SOX5: variants seen among roughly 807,000 people sequenced by gnomAD.
SOX5 encodes SRY-box transcription factor 5.
A neutral mutation model predicts 92.0 loss-of-function variants in SOX5; 9 were observed. The ratio of observed to expected loss-of-function variants is 0.10; its 90% CI spans 0.06 to 0.17. The LOEUF (loss-of-function observed/expected upper bound fraction) is 0.17. Among genes scored for constraint, SOX5 ranks in the 10% least tolerant of loss-of-function variants. The probability of loss-of-function intolerance (pLI) is 1.00; values close to 1 mark genes in which losing one functional copy is unlikely to be tolerated. For synonymous variants in SOX5, 344 were observed against 336.3 expected, an observed-to-expected ratio of 1.02 and a Z score of -0.25; for missense variants, 642 against 944.5, an observed-to-expected ratio of 0.68 and a Z score of 4.20.
At chr12:23,766,846 T>C (rs778293028) in intron 3 of SOX5, among the ~76,000 whole-genome samples, 1 of 152,148 alleles carries the variant, frequency 6.6e-6, no homozygotes, top group African/African-American at 2.4e-5. Flanking sequence ...TAATTTATTA[T>C]ATCGGGGAAA....
intron 1 of SOX5, among the ~76,000 whole-genome samples, chr12:24,391,722 C>T (rs147518662): frequency 1.3e-5 from 2 of 152,054 alleles, no homozygotes; most frequent in Non-Finnish European, 2.9e-5. Context: ...CTTTGAGAAC[C>T]CATACTGGCT....
At chr12:24,407,086 A>G (rs537159069) in intron 1 of SOX5, among the ~76,000 whole-genome samples, 1 of 152,224 alleles carries the variant, frequency 6.6e-6, no homozygotes, top group African/African-American at 2.4e-5. Context: ...GGCAATGCAA[A>G]AAACAAAAAA....
At chr12:24,064,740 A>G (rs1940366885) in intron 4 of SOX5, among the ~76,000 whole-genome samples, 1 of 152,204 alleles carries the variant, frequency 6.6e-6, no homozygotes, top group Non-Finnish European at 1.5e-5. Flanking sequence ...ATGCAGCAGA[A>G]GCTCAAAAAA....
chr12:23,908,380 C>T (rs541295555), intron 1 of SOX5, among the ~76,000 whole-genome samples: 40 of 152,006 alleles, frequency 2.6e-4, no homozygotes, highest in African/African-American at 9.6e-4. Context: ...TTATGACCCC[C>T]TACCCTCTTT....
At chr12:24,091,428 A>ACTT (rs749967641) in intron 4 of SOX5, among the ~76,000 whole-genome samples, 1 of 122,696 alleles carries the variant, frequency 8.2e-6, no homozygotes, top group Non-Finnish European at 1.6e-5. Context: ...AGAGAATGCT[A>ACTT]TTTTTTTTTT....
intron 8 of SOX5, chr12:23,638,111 G>A (rs1380417998): frequency 1.3e-5 from 2 of 151,934 alleles, no homozygotes; most frequent in Non-Finnish European, 2.9e-5. Context: ...AACAGACCTG[G>A]CCACCCCTCT....
chr12:23,814,799 G>A (rs1004574878), intron 3 of SOX5, among the ~76,000 whole-genome samples: 14 of 152,114 alleles, frequency 9.2e-5, no homozygotes, highest in African/African-American at 3.4e-4. Flanking sequence ...TAATATATAG[G>A]AAAAGGTAGA....
chr12:23,673,914 T>C (rs1229008650), intron 6 of SOX5, among the ~76,000 whole-genome samples: 2 of 152,036 alleles, frequency 1.3e-5, no homozygotes, highest in African/African-American at 4.8e-5. Flanking sequence ...TTTTATGGCA[T>C]CTGAATTACA....
At chr12:24,472,906 G>A (rs1296898926) in intron 1 of SOX5, among the ~76,000 whole-genome samples, 1 of 151,894 alleles carries the variant, frequency 6.6e-6, no homozygotes, top group Non-Finnish European at 1.5e-5. Flanking sequence ...CTATTTTAAT[G>A]TATAGCCAAT....
At chr12:23,771,446 T>G (rs1262114238) in intron 3 of SOX5, among the ~76,000 whole-genome samples, 1 of 152,174 alleles carries the variant, frequency 6.6e-6, no homozygotes, top group Non-Finnish European at 1.5e-5. Context: ...AGTCACTATA[T>G]TCACTCAAAT....
At chr12:24,332,978 C>T (rs1325884022) in intron 2 of SOX5, among the ~76,000 whole-genome samples, 1 of 152,004 alleles carries the variant, frequency 6.6e-6, no homozygotes, top group African/African-American at 2.4e-5. Context: ...GAAAAATTAT[C>T]TATGATTGGT....
At chr12:23,767,818 C>T (rs926692957) in intron 3 of SOX5, among the ~76,000 whole-genome samples, 12 of 9,184 alleles carry the variant, frequency 1.3e-3, no homozygotes, top group Admixed American at 2.2e-3. Flanking sequence ...TGAATATCTT[C>T]ACTCATATAT....
At chr12:24,151,817 C>G (rs1951684293) in intron 4 of SOX5, among the ~76,000 whole-genome samples, 1 of 151,836 alleles carries the variant, frequency 6.6e-6, no homozygotes, top group Admixed American at 6.6e-5. Context: ...TAGACAACGT[C>G]TCTCTCTCTT....
At chr12:24,425,073 T>C (rs1036814818) in intron 1 of SOX5, among the ~76,000 whole-genome samples, 3 of 152,166 alleles carry the variant, frequency 2.0e-5, no homozygotes, top group African/African-American at 7.2e-5. Flanking sequence ...CCATACATGC[T>C]ATTACTTCAA....
At chr12:23,665,639 A>C in intron 6 of SOX5, 75 bp from the exon 7 acceptor site, 4 of 1,479,716 alleles carry the variant, frequency 2.7e-6, no homozygotes, top group Non-Finnish European at 3.6e-6. Flanking sequence ...TCCTTATTTC[A>C]TGATAAAAGA....
At chr12:23,561,650 T>C (rs756328045) in intron 11 of SOX5, among the ~76,000 whole-genome samples, 10 of 152,108 alleles carry the variant, frequency 6.6e-5, no homozygotes, top group Non-Finnish European at 1.2e-4. Context: ...GTACTTTTAA[T>C]GGGCTCCCTG....
At chr12:24,187,506 G>C (rs186000897) in intron 4 of SOX5, among the ~76,000 whole-genome samples, 253 of 152,276 alleles carry the variant, frequency 1.7e-3, no homozygotes, top group African/African-American at 5.9e-3. Context: ...TGCACTTTGA[G>C]TGTTTTTACA....
chr12:23,729,338 T>C (rs1016538043), intron 6 of SOX5, among the ~76,000 whole-genome samples: 1 of 152,192 alleles, frequency 6.6e-6, no homozygotes, highest in African/African-American at 2.4e-5. Context: ...TTCATCTTAT[T>C]CCAGATCACT....
At chr12:24,282,230 A>G (rs1945295540) in intron 2 of SOX5, among the ~76,000 whole-genome samples, 1 of 152,196 alleles carries the variant, frequency 6.6e-6, no homozygotes, top group African/African-American at 2.4e-5. Flanking sequence ...AAAGGGAGGG[A>G]TAGCATTAGG....
Sources: allele counts gnomAD v4.1 joint callset (sites outside exome capture counted in the v4.1 genomes callset), GRCh38; gene constraint gnomAD v4.1.1; transcripts MANE v1.5; gene names NCBI Gene and HGNC (gene_info 2026-07-23, HGNC 2026-07-21).